RORA: variants seen among roughly 807,000 people sequenced by gnomAD.
The protein encoded by RORA is RAR related orphan receptor A.
RORA carries 7 observed loss-of-function variants against 69.5 expected under a neutral mutation model. The ratio of observed to expected loss-of-function variants is 0.10; its 90% confidence interval spans 0.06 to 0.19. The LOEUF (loss-of-function observed/expected upper bound fraction) is 0.19. Ranked by LOEUF, RORA falls within the 10% of genes least tolerant of loss-of-function variation. The pLI, the probability that RORA is intolerant of heterozygous loss-of-function variation, is 1.00. For synonymous variants in RORA, 261 were observed against 240.8 expected (o/e 1.08, Z -0.78); for missense variants, 457 against 663.0 (o/e 0.69, Z 3.41).
chr15:60,654,858 A>C (rs1162368754), intron 2 of RORA, among the ~76,000 whole-genome samples: 1 of 152,206 alleles, frequency 6.6e-6, no homozygotes, highest in East Asian at 1.9e-4. Context: ...GTCGGGAAGC[A>C]GATATTCCCC....
At chr15:61,197,815 T>G (rs542339835) in intron 1 of RORA, among the ~76,000 whole-genome samples, 7 of 152,266 alleles carry the variant, frequency 4.6e-5, no homozygotes, top group African/African-American at 1.7e-4. Flanking sequence ...CAGGTGTCTC[T>G]CCATGCACAT....
At chr15:61,043,310 T>C (rs529785649) in intron 1 of RORA, among the ~76,000 whole-genome samples, 2 of 152,072 alleles carry the variant, frequency 1.3e-5, no homozygotes, top group African/African-American at 2.4e-5. Context: ...ACAGGACAAA[T>C]TGGACTGGAG....
At chr15:60,995,081 A>G (rs1339983163) in intron 1 of RORA, among the ~76,000 whole-genome samples, 1 of 152,252 alleles carries the variant, frequency 6.6e-6, no homozygotes, top group Non-Finnish European at 1.5e-5. Context: ...GATTTTTAAA[A>G]AAAGAAGAAG....
rs192965404 is a variant in RORA at position 60,514,187 on chromosome 15, G to A, written c.424+429C>T. ...CAAAATATCCAGTTAGCATAAAAGC[G>A]GCTTCATCCCAACCTCCAATAGACT... On this transcript the variant is annotated intron_variant, in intron 4 of 10. Coordinates refer to ENST00000335670, the MANE Select transcript of RORA (RefSeq NM_134261.3). Among the ~76,000 whole-genome samples, 3 of 152,246 alleles carry A rather than the reference G, an allele frequency of 2.0e-5. No individual in the cohort carries two copies. The East Asian group carries it at 5.8e-4, about 29-fold the overall frequency.
chr15:61,154,840 G>A (rs142251961), intron 1 of RORA, among the ~76,000 whole-genome samples: 1,727 of 152,220 alleles, frequency 0.011, 22 homozygotes, highest in Non-Finnish European at 0.018. Context: ...CCGTCGGCTG[G>A]CTCAAGAATA....
At chr15:60,951,967 G>A (rs1893113740) in intron 1 of RORA, among the ~76,000 whole-genome samples, 1 of 149,662 alleles carries the variant, frequency 6.7e-6, no homozygotes, top group African/African-American at 2.5e-5. Context: ...TGATACCAAA[G>A]CCAGGCAGAG....
chr15:61,016,944 A>G (rs1436046127), intron 1 of RORA, among the ~76,000 whole-genome samples: 2 of 152,228 alleles, frequency 1.3e-5, no homozygotes, highest in Non-Finnish European at 2.9e-5. Flanking sequence ...GTATGAATGA[A>G]TAAAGAAATG....
chr15:61,005,615 C>G (rs1894887426), intron 1 of RORA, among the ~76,000 whole-genome samples: 1 of 152,190 alleles, frequency 6.6e-6, no homozygotes, highest in Non-Finnish European at 1.5e-5. Context: ...TATACATACA[C>G]ACACATATAT....
intron 1 of RORA, among the ~76,000 whole-genome samples, chr15:60,724,701 T>G (rs2071335561): frequency 6.6e-6 from 1 of 152,292 alleles, no homozygotes; most frequent in African/African-American, 2.4e-5. Context: ...GAGGGCGAGC[T>G]CCTTAAGAAA....
In RORA at chr15:60,810,754, C is replaced by T. The variant is rs373179491; in HGVS notation, c.167-132068G>A. On this transcript the variant is annotated intron_variant, in intron 1 of 10. Transcript: ENST00000335670. ...TTTCCTCCCTTCGTAGTTTCTGTTT[C>T]CTCTAACTTGCTGCTTTCTCTGTAT... 3.3e-5 allele frequency among the ~76,000 whole-genome samples: 5 copies of T among 151,568 alleles called. No homozygotes were observed. The South Asian group carries it at 1.0e-3, about 32-fold the overall frequency.
At chr15:60,592,729 G>C in intron 2 of RORA, 1 of 1,096,278 alleles carries the variant, frequency 9.1e-7, no homozygotes, top group Non-Finnish European at 1.1e-6. Flanking sequence ...GGCTCTGCTG[G>C]CCCACCCCGG....
At chr15:60,592,715 C>T (rs1275105728) in intron 2 of RORA, 3 of 1,053,864 alleles carry the variant, frequency 2.8e-6, no homozygotes, top group Non-Finnish European at 3.4e-6. Context: ...TGAGTAGCAG[C>T]GGCGGCTCTG....
At chr15:60,943,484 A>G (rs74017892) in intron 1 of RORA, among the ~76,000 whole-genome samples, 1,589 of 152,240 alleles carry the variant, frequency 0.01, 28 homozygotes, top group African/African-American at 0.036. Flanking sequence ...TACATTTTCA[A>G]TGTGAAGGTT....
At chr15:60,988,564 C>T (rs1894280282) in intron 1 of RORA, among the ~76,000 whole-genome samples, 1 of 152,138 alleles carries the variant, frequency 6.6e-6, no homozygotes, top group Admixed American at 6.5e-5. Context: ...GACAAACAGC[C>T]CATTGACCAT....
Position 60,494,561 on chromosome 15 carries a change from C to T in RORA, c.*2894G>A, listed in dbSNP as rs764732603. On this transcript the variant is annotated 3_prime_UTR_variant, in exon 11 of 11. Transcript: ENST00000335670. ...AGGAAAATGCAAAGTTTTTCACATC[C>T]TTTTCTGAGCTCCATATTTTTTTTA... 1 of 149,168 alleles carries T rather than the reference C, an allele frequency of 6.7e-6. No homozygotes were observed. 9.2% of individuals were successfully genotyped at this position (149,168 alleles called of 1,614,324 possible).
At chr15:60,847,690 T>C (rs987735975) in intron 1 of RORA, 1 of 152,112 alleles carries the variant, frequency 6.6e-6, no homozygotes, top group Non-Finnish European at 1.5e-5. Flanking sequence ...AAAATGAATA[T>C]AAAATATCGT....
intron 1 of RORA, among the ~76,000 whole-genome samples, chr15:61,172,707 T>C (rs2079596263): frequency 6.6e-6 from 1 of 152,160 alleles, no homozygotes; most frequent in Non-Finnish European, 1.5e-5. Context: ...AAATACATAC[T>C]CTCCTTTGAT....
intron 1 of RORA, among the ~76,000 whole-genome samples, chr15:61,123,649 A>G (rs1015453421): frequency 6.6e-6 from 1 of 152,146 alleles, no homozygotes; most frequent in African/African-American, 2.4e-5. Context: ...TTCTAATATA[A>G]TTGGTCTGGG....
intron 2 of RORA, among the ~76,000 whole-genome samples, chr15:60,636,807 T>C (rs1318566406): frequency 6.6e-6 from 1 of 152,218 alleles, no homozygotes; most frequent in Admixed American, 6.5e-5. Context: ...TTTTTTCGTA[T>C]GCTTTTAAAA....
Sources: gnomAD v4.1 joint callset for allele counts (sites outside exome capture counted in the v4.1 genomes callset) on GRCh38, gnomAD v4.1.1 for gene constraint, MANE v1.5 for transcripts, NCBI Gene and HGNC (gene_info 2026-07-23, HGNC 2026-07-21) for gene names.